COBL: variants seen among roughly 807,000 people sequenced by gnomAD.
COBL encodes the protein cordon-bleu WH2 repeat protein.
Under a neutral mutation model 98.8 loss-of-function variants are expected in COBL, and 51 were observed. The observed-to-expected ratio is 0.52, with a 90% CI of 0.41 to 0.65. The LOEUF (loss-of-function observed/expected upper bound fraction) is 0.65. COBL is among the 30% of genes least tolerant of loss of function. COBL has a pLI of 0.00. For missense variants in COBL, 1,617 were observed against 1,617.5 expected (o/e 1.00, Z 0.01); for synonymous variants, 634 against 651.7 (o/e 0.97, Z 0.41).
chr7:51,078,927 C>T (rs1420928625), intron 7 of COBL, among the ~76,000 whole-genome samples: 1 of 152,232 alleles, frequency 6.6e-6, no homozygotes. Flanking sequence ...GCTGGCTTTC[C>T]TCAGAGTGAG....
Position 51,294,643 on chromosome 7 carries a change from C to CAAAA in COBL, c.41+21946_41+21949dup, listed in dbSNP as rs3047621. ...GGGCGACAAGAGTGAAACTCCATCT[C>CAAAA]AAAAAAAAAAAAAAAAAAACCATTT... On this transcript the variant is annotated intron_variant, in intron 1 of 12. Coordinates refer to ENST00000265136, the MANE Select transcript of COBL (RefSeq NM_015198.5). Among the ~76,000 whole-genome samples, 13 of 80,530 alleles carry CAAAA rather than the reference C, an allele frequency of 1.6e-4. 1 individual carries two copies. The highest frequency in any genetic ancestry group is 2.3e-4 in the Non-Finnish European group (10 of 42,924). 52.8% of individuals were successfully genotyped at this position (80,530 alleles called of 152,430 possible).
chr7:51,266,344 C>T (rs538171351), intron 1 of COBL, among the ~76,000 whole-genome samples: 3 of 152,252 alleles, frequency 2.0e-5, no homozygotes, highest in Admixed American at 1.3e-4. Flanking sequence ...TCTGGGAGGC[C>T]GAGGCAGGTG....
At chr7:51,177,133 T>G (rs925550318) in intron 5 of COBL, among the ~76,000 whole-genome samples, 1 of 152,174 alleles carries the variant, frequency 6.6e-6, no homozygotes, top group African/African-American at 2.4e-5. Flanking sequence ...TTCTGGGGTA[T>G]AGACAAGTGG....
rs7804820 is a variant in COBL, at chr7:51,043,706, G to A, written c.1097-14C>T. Reference sequence around the variant, plus strand: ...GGGGCAGGCTTACTGGACAAGACACGGCAAGGACAGGTCAGCCCAAACCAC... The same window carrying A: ...GGGGCAGGCTTACTGGACAAGACACAGCAAGGACAGGTCAGCCCAAACCAC... On this transcript the variant is annotated splice_polypyrimidine_tract_variant and intron_variant, in intron 7 of 12. Transcript: ENST00000265136. 0.013 allele frequency: 21,634 copies of A among 1,606,732 alleles called. 2,437 individuals carry two copies. The African/African-American group carries it at 0.25, about 19-fold the overall frequency.
At chr7:51,100,243 T>G (rs925068861) in intron 6 of COBL, among the ~76,000 whole-genome samples, 1 of 152,232 alleles carries the variant, frequency 6.6e-6, no homozygotes. Flanking sequence ...ATTGAGAGAC[T>G]TTGTTAAATG....
At chr7:51,048,748 A>G (rs1173934601) in intron 7 of COBL, among the ~76,000 whole-genome samples, 1 of 152,044 alleles carries the variant, frequency 6.6e-6, no homozygotes, top group Non-Finnish European at 1.5e-5. Context: ...TATATTGTTT[A>G]TCCTTGTGCT....
chr7:51,274,791 T>C (rs1238943453), intron 1 of COBL, among the ~76,000 whole-genome samples: 1 of 152,242 alleles, frequency 6.6e-6, no homozygotes, highest in Non-Finnish European at 1.5e-5. Context: ...GTGTAAGTAT[T>C]AATTTTTGTA....
intron 1 of COBL, among the ~76,000 whole-genome samples, chr7:51,276,020 C>G (rs1799278553): frequency 6.6e-6 from 1 of 152,164 alleles, no homozygotes. Flanking sequence ...TTTGGCTTTT[C>G]TAAATGATAA....
At chr7:51,188,460 A>G (rs1789759401) in intron 4 of COBL, among the ~76,000 whole-genome samples, 1 of 152,230 alleles carries the variant, frequency 6.6e-6, no homozygotes, top group African/African-American at 2.4e-5. Flanking sequence ...AGTGAGCAGG[A>G]GGCAGGCATT....
chr7:51,174,604 A>T (rs1417354023), intron 5 of COBL, among the ~76,000 whole-genome samples: 2 of 152,138 alleles, frequency 1.3e-5, no homozygotes, highest in Non-Finnish European at 2.9e-5. Context: ...GCTCCAGTCT[A>T]ACTGATGCCA....
chr7:51,071,962 T>A (rs1448083781), intron 7 of COBL: 1 of 152,140 alleles, frequency 6.6e-6, no homozygotes, highest in Non-Finnish European at 1.5e-5. Flanking sequence ...TGTGAGTAAT[T>A]TCTGTAACTT....
intron 1 of COBL, among the ~76,000 whole-genome samples, chr7:51,275,058 G>A (rs1049618993): frequency 1.3e-5 from 2 of 152,216 alleles, no homozygotes; most frequent in African/African-American, 4.8e-5. Context: ...GGGAGACAGA[G>A]CAGTGAGAAG....
At chr7:51,152,534 A>C (rs1785663073) in intron 5 of COBL, among the ~76,000 whole-genome samples, 1 of 152,212 alleles carries the variant, frequency 6.6e-6, no homozygotes, top group Non-Finnish European at 1.5e-5. Context: ...TCAGACCTAA[A>C]GCAAGAGAAA....
intron 2 of COBL, among the ~76,000 whole-genome samples, chr7:51,200,362 C>T (rs1791005392): frequency 6.6e-6 from 1 of 152,186 alleles, no homozygotes; most frequent in South Asian, 2.1e-4. Context: ...AAATGGTACA[C>T]ACAAATCTCT....
chr7:51,028,989 G>A lies in COBL; in HGVS notation c.2107C>T (p.His703Tyr). Residue 703 changes from histidine to tyrosine, a missense_variant, in exon 10 of 13, where the codon CAC becomes TAC. Coordinates refer to ENST00000265136, the MANE Select transcript of COBL (RefSeq NM_015198.5). ...QNPGKSYRLK[H>Y]GLTTYKIIPP... is the part of the protein sequence containing the mutation. ...ATGATTTTATACGTTGTGAGGCCGTGCTTAAGTCTGTAGCTTTTCCCTGGG... is the reference window on the plus strand; with the variant it reads ...ATGATTTTATACGTTGTGAGGCCGTACTTAAGTCTGTAGCTTTTCCCTGGG... 1 of 1,614,138 alleles carries A rather than the reference G, an allele frequency of 6.2e-7. No homozygotes were observed.
intron 7 of COBL, among the ~76,000 whole-genome samples, chr7:51,058,133 T>C (rs1790952879): frequency 6.6e-6 from 1 of 152,168 alleles, no homozygotes; most frequent in African/African-American, 2.4e-5. Context: ...AGAAGCTTTT[T>C]GGATAAACGT....
intron 7 of COBL, chr7:51,083,253 C>T (rs1793860169): frequency 7.0e-7 from 1 of 1,437,680 alleles, no homozygotes; most frequent in South Asian, 1.5e-5. Context: ...CAGGGAGTTA[C>T]TTCAGCAGGT....
intron 5 of COBL, among the ~76,000 whole-genome samples, chr7:51,157,590 C>T (rs1234474952): frequency 6.6e-6 from 1 of 152,132 alleles, no homozygotes; most frequent in Non-Finnish European, 1.5e-5. Context: ...TTAGTGGAGG[C>T]ACTCTGCTCT....
At chr7:51,160,791 A>C (rs2129034195) in intron 5 of COBL, among the ~76,000 whole-genome samples, 1 of 152,364 alleles carries the variant, frequency 6.6e-6, no homozygotes, top group Middle Eastern at 3.4e-3. Context: ...AGATACTGAG[A>C]AAGGCTCAGG....
Sources: gnomAD v4.1 joint callset for allele counts (sites outside exome capture counted in the v4.1 genomes callset) on GRCh38, gnomAD v4.1.1 for gene constraint, MANE v1.5 for transcripts, NCBI Gene and HGNC (gene_info 2026-07-23, HGNC 2026-07-21) for gene names.